Variants in SEPTIN7 observed in about 807,000 individuals in gnomAD.
SEPTIN7 encodes the protein septin-7.
A neutral mutation model predicts 63.3 loss-of-function variants in SEPTIN7; 10 were observed. The observed-to-expected ratio is 0.16, with a 90% confidence interval of 0.10 to 0.27. The LOEUF (loss-of-function observed/expected upper bound fraction) is 0.27, where lower values mean the gene tolerates loss of function less well. SEPTIN7 is among the 10% of genes least tolerant of loss of function. The pLI is 1.00. For missense variants in SEPTIN7, 310 were observed against 521.0 expected, an observed-to-expected ratio of 0.59 and a Z score of 3.94; for synonymous variants, 131 against 165.3, an observed-to-expected ratio of 0.79 and a Z score of 1.59.
At chr7:35,912,838 C>T in the SEPTIN7 span, among the ~76,000 whole-genome samples, 45 of 152,348 alleles carry the variant, frequency 3.0e-4, no homozygotes, top group African/African-American at 9.1e-4. Context: ...TACTTTATGA[C>T]GCTGTTGCAG....
At chr7:35,830,194 A>C (rs930555450) in intron 1 of SEPTIN7, among the ~76,000 whole-genome samples, 3 of 152,096 alleles carry the variant, frequency 2.0e-5, no homozygotes, top group African/African-American at 4.8e-5. Context: ...AAAAAAAAAA[A>C]ACTATTCCAA....
intron 11 of SEPTIN7, among the ~76,000 whole-genome samples, chr7:35,896,113 A>G (rs1787948299): frequency 6.6e-6 from 1 of 152,208 alleles, no homozygotes; most frequent in Non-Finnish European, 1.5e-5. Context: ...CCGGCTTAAA[A>G]GATTTGAAAC....
chr7:35,858,595 C>T (rs1347156974), intron 3 of SEPTIN7, among the ~76,000 whole-genome samples: 3 of 152,112 alleles, frequency 2.0e-5, no homozygotes, highest in Non-Finnish European at 4.4e-5. Context: ...ACCTCATGAT[C>T]TGCCCACCTC....
chr7:35,908,113 G>A (rs1245532765), downstream of SEPTIN7, among the ~76,000 whole-genome samples: 3 of 152,194 alleles, frequency 2.0e-5, no homozygotes, highest in African/African-American at 7.2e-5. Context: ...GAGGAAAGGT[G>A]TTAGTAATTG....
intron 8 of SEPTIN7, 67 bp from the exon 9 acceptor site, chr7:35,883,799 TTGGCTAACCTGTTGAGTAATGTAAC>T: frequency 1.6e-6 from 1 of 629,508 alleles, no homozygotes; most frequent in African/African-American, 1.9e-5. Context: ...TTTTTTTTTT[TTGGCTAACCTGTTGAGTAATGTAAC>T]TTTTTTTATT....
chr7:35,813,385 C>T (rs150689899), intron 1 of SEPTIN7, among the ~76,000 whole-genome samples: 1,851 of 150,806 alleles, frequency 0.012, 61 homozygotes, highest in Admixed American at 0.063. Context: ...GAAAGAGTCT[C>T]GCTCTGTCAC....
chr7:35,853,979 G>A (rs146761802), intron 3 of SEPTIN7, among the ~76,000 whole-genome samples: 124 of 152,280 alleles, frequency 8.1e-4, no homozygotes, highest in African/African-American at 2.8e-3. Flanking sequence ...TGATAATGAT[G>A]CAGATTGAGT....
At chr7:35,902,596 C>CT (rs1288186669) in intron 12 of SEPTIN7, 2 of 152,334 alleles carry the variant, frequency 1.3e-5, no homozygotes, top group African/African-American at 4.8e-5. Flanking sequence ...AAACTACCTG[C>CT]TTTCTTTTCA....
At chr7:35,881,946 C>A (rs548314456) in intron 7 of SEPTIN7, among the ~76,000 whole-genome samples, 1 of 151,964 alleles carries the variant, frequency 6.6e-6, no homozygotes, top group Non-Finnish European at 1.5e-5. Context: ...CCTAATCTTA[C>A]ACCTGTTGCT....
chr7:35,877,715 C>T (rs537906631), intron 6 of SEPTIN7, among the ~76,000 whole-genome samples: 3 of 152,136 alleles, frequency 2.0e-5, no homozygotes, highest in South Asian at 2.1e-4. Flanking sequence ...AAGGACATAA[C>T]GAAAATCACA....
At chr7:35,823,263 G>A (rs1395370169) in intron 1 of SEPTIN7, among the ~76,000 whole-genome samples, 2 of 152,194 alleles carry the variant, frequency 1.3e-5, no homozygotes, top group East Asian at 1.9e-4. Context: ...GTACAATAGC[G>A]TGATCTTGGC....
At chr7:35,898,472 T>C (rs1017756606) in intron 12 of SEPTIN7, 89 bp downstream of exon 12, 18 of 829,574 alleles carry the variant, frequency 2.2e-5, no homozygotes, top group Non-Finnish European at 2.9e-5. Flanking sequence ...ATATAACCTT[T>C]TTATACATAT....
At chr7:35,837,581 C>T (rs896549034) in intron 3 of SEPTIN7, among the ~76,000 whole-genome samples, 2 of 152,046 alleles carry the variant, frequency 1.3e-5, no homozygotes, top group African/African-American at 4.8e-5. Flanking sequence ...TACATAATAC[C>T]AAATTGCTCT....
chr7:35,818,387 G>T (rs12537963), intron 1 of SEPTIN7, among the ~76,000 whole-genome samples: 2 of 151,912 alleles, frequency 1.3e-5, no homozygotes, highest in Admixed American at 6.6e-5. Flanking sequence ...CTTTGTTGAT[G>T]TTTTTTTCCA....
chr7:35,848,172 T>C (rs1272407050), intron 3 of SEPTIN7, among the ~76,000 whole-genome samples: 1 of 152,196 alleles, frequency 6.6e-6, no homozygotes, highest in Non-Finnish European at 1.5e-5. Context: ...TTCTTCCAAA[T>C]TAAAACTCTT....
intron 11 of SEPTIN7, 182 bp from the exon 12 acceptor site, chr7:35,898,066 T>C (rs1389159681): frequency 2.2e-5 from 10 of 448,678 alleles, no homozygotes; most frequent in Admixed American, 4.0e-5. Context: ...AACATCTTTG[T>C]TTTTTAGATT....
At chr7:35,888,935 T>A in intron 10 of SEPTIN7, 1 of 299,904 alleles carries the variant, frequency 3.3e-6, no homozygotes, top group East Asian at 8.5e-5. Context: ...CCAAAAAGTG[T>A]TTATCATATC....
chr7:35,832,941 G>A (rs74528020), intron 3 of SEPTIN7, 41 bp downstream of exon 3: 83,327 of 1,091,866 alleles, frequency 0.076, 3,812 homozygotes, highest in South Asian at 0.18. Flanking sequence ...TTTGGTTTAA[G>A]TTTTAAACGT....
At chr7:35,864,994 T>C (rs1785726368) in intron 4 of SEPTIN7, among the ~76,000 whole-genome samples, 2 of 152,106 alleles carry the variant, frequency 1.3e-5, no homozygotes, top group Admixed American at 6.5e-5. Context: ...GAATTTCTTA[T>C]TTCTCCTTCT....
Sources: gnomAD v4.1 joint callset for allele counts (sites outside exome capture counted in the v4.1 genomes callset) on GRCh38, gnomAD v4.1.1 for gene constraint, MANE v1.5 for transcripts, NCBI Gene and HGNC (gene_info 2026-07-23, HGNC 2026-07-21) for gene names.